The following PRH1 variants were observed in gnomAD, a reference collection of about 807,000 sequenced individuals.
The protein encoded by PRH1 is salivary acidic proline-rich phosphoprotein 1/2.
PRH1 carries 7 observed loss-of-function variants against 7.9 expected under a neutral mutation model. The ratio of observed to expected loss-of-function variants is 0.89; its 90% CI spans 0.50 to 1.67. PRH1 has a LOEUF of 1.67. Ranked by LOEUF, PRH1 falls within the 40% of genes most tolerant of loss-of-function variation. PRH1 has a pLI of 0.00. For synonymous variants in PRH1, 45 were observed against 80.8 expected (o/e 0.56, Z 2.38); for missense variants, 109 against 223.6 (o/e 0.49, Z 3.27).
chr12:10,918,767 T>C (rs1057290942), intron 2 of PRH1, among the ~76,000 whole-genome samples: 13 of 152,372 alleles, frequency 8.5e-5, no homozygotes, highest in African/African-American at 3.1e-4. Context: ...CATAGTACTA[T>C]ACTAAACTTA....
chr12:10,947,952 G>C (rs1373337343), intron 2 of PRH1, among the ~76,000 whole-genome samples: 1 of 152,074 alleles, frequency 6.6e-6, no homozygotes, highest in African/African-American at 2.4e-5. Context: ...GTTGAATATA[G>C]GCCTCCAATC....
At chr12:11,168,545 G>T (rs1295716949) in intron 1 of PRH1, among the ~76,000 whole-genome samples, 2 of 151,968 alleles carry the variant, frequency 1.3e-5, no homozygotes, top group East Asian at 3.9e-4. Flanking sequence ...GGCTTTCAAG[G>T]AGCCAAGGTT....
intron 1 of PRH1, among the ~76,000 whole-genome samples, chr12:11,113,739 T>C (rs1283663892): frequency 1.3e-5 from 2 of 152,120 alleles, no homozygotes; most frequent in African/African-American, 4.8e-5. Flanking sequence ...CTAAAGAGCT[T>C]CTGCACAGCA....
At chr12:10,922,090 A>G (rs1478476976) in intron 2 of PRH1, among the ~76,000 whole-genome samples, 1 of 152,164 alleles carries the variant, frequency 6.6e-6, no homozygotes, top group Non-Finnish European at 1.5e-5. Context: ...TTCTTTAAAA[A>G]CCAAAGGGAA....
At chr12:11,171,134 A>G (rs375815524) in intron 1 of PRH1, 21 of 393,028 alleles carry the variant, frequency 5.3e-5, no homozygotes, top group East Asian at 4.7e-4. Context: ...GTTGAGCTCT[A>G]AATGGTAAAT....
intron 2 of PRH1, among the ~76,000 whole-genome samples, chr12:10,897,165 T>A (rs1229653823): frequency 1.3e-5 from 2 of 152,166 alleles, no homozygotes. Flanking sequence ...ATACGGTAGA[T>A]ACTAGCCACA....
intron 1 of PRH1, among the ~76,000 whole-genome samples, chr12:11,098,233 A>C (rs1158055103): frequency 6.7e-6 from 1 of 149,356 alleles, no homozygotes; most frequent in Non-Finnish European, 1.5e-5. Flanking sequence ...GAATATCCTG[A>C]CCTTAAATTC....
intron 2 of PRH1, among the ~76,000 whole-genome samples, chr12:10,972,928 AC>A (rs199859766): frequency 1.0e-5 from 1 of 100,326 alleles, no homozygotes. Context: ...AAGCACCACA[AC>A]CCACCCCCCC....
At chr12:11,155,264 C>A (rs1210908311) in intron 1 of PRH1, among the ~76,000 whole-genome samples, 3 of 152,162 alleles carry the variant, frequency 2.0e-5, no homozygotes, top group Admixed American at 2.0e-4. Flanking sequence ...CAAATGCCAA[C>A]TTTCCTAAAT....
intron 1 of PRH1, among the ~76,000 whole-genome samples, chr12:11,043,045 T>C (rs566740550): frequency 6.6e-6 from 1 of 152,240 alleles, no homozygotes; most frequent in South Asian, 2.1e-4. Flanking sequence ...GTCTCAACAA[T>C]ATACTAGCGA....
rs1255617387 is a variant in PRH1, at chr12:10,980,310, A to G, written c.-125-6589T>C. Among the ~76,000 whole-genome samples the G allele has an allele frequency of 2.0e-5, 3 of 152,280 alleles. No homozygotes were observed. The East Asian group carries it at 5.8e-4, about 29-fold the overall frequency. ...TAATCAATCATAATTCTATCTATGT[A>G]TTTCTTTACTTAGATCATTATGTCC... On this transcript the variant is annotated intron_variant, in intron 1 of 3. Coordinates refer to the PRH1 transcript ENST00000539853.
chr12:10,918,623 C>G (rs1019816433), intron 2 of PRH1, among the ~76,000 whole-genome samples: 1 of 152,146 alleles, frequency 6.6e-6, no homozygotes, highest in African/African-American at 2.4e-5. Context: ...AATGCATGCA[C>G]CAATGTAAGC....
chr12:10,951,993 T>G (rs1182363728), intron 2 of PRH1, among the ~76,000 whole-genome samples: 2 of 152,212 alleles, frequency 1.3e-5, no homozygotes, highest in Admixed American at 1.3e-4. Context: ...TCCGAGAATC[T>G]ATTTTACAAC....
chr12:11,145,073 G>A (rs935326382), intron 1 of PRH1, among the ~76,000 whole-genome samples: 2 of 152,194 alleles, frequency 1.3e-5, no homozygotes, highest in Non-Finnish European at 2.9e-5. Flanking sequence ...ATGCTGGTCT[G>A]TCTAGAGCTG....
intron 2 of PRH1, chr12:10,908,637 T>A (rs747751631): frequency 6.2e-6 from 10 of 1,613,912 alleles, no homozygotes; most frequent in Middle Eastern, 3.3e-4. Context: ...GGTCCTGGGG[T>A]CTCTGTGTCC....
intron 2 of PRH1, among the ~76,000 whole-genome samples, chr12:10,936,017 T>G (rs1950282221): frequency 6.6e-6 from 1 of 152,046 alleles, no homozygotes; most frequent in Non-Finnish European, 1.5e-5. Flanking sequence ...AATGGGGTAA[T>G]GGAGTAGGCT....
chr12:10,883,321 TG>T (rs1280897921), intron 1 of PRH1, among the ~76,000 whole-genome samples: 1 of 152,160 alleles, frequency 6.6e-6, no homozygotes, highest in Non-Finnish European at 1.5e-5. Context: ...GGCCCCTGTT[TG>T]TCCTCTTTTG....
upstream of PRH1, chr12:11,048,600 G>T: frequency 3.3e-6 from 2 of 605,006 alleles, no homozygotes; most frequent in Admixed American, 2.1e-5. Flanking sequence ...CCTTGGTGCT[G>T]AGATGTTGAG....
At chr12:11,028,354 G>A (rs1942020827) in intron 1 of PRH1, among the ~76,000 whole-genome samples, 1 of 152,184 alleles carries the variant, frequency 6.6e-6, no homozygotes, top group Non-Finnish European at 1.5e-5. Context: ...GAAAAGTGCT[G>A]GAAGCCAAGT....
Sources: allele counts gnomAD v4.1 joint callset (sites outside exome capture counted in the v4.1 genomes callset), GRCh38; gene constraint gnomAD v4.1.1; transcripts MANE v1.5; gene names NCBI Gene and HGNC (gene_info 2026-07-23, HGNC 2026-07-21).